The following DCHS2 variants were observed in gnomAD, a reference collection of about 807,000 sequenced individuals.
DCHS2 encodes protocadherin-23.
A neutral mutation model predicts 182.4 loss-of-function variants in DCHS2; 142 were observed. The ratio of observed to expected loss-of-function variants is 0.78; its 90% CI spans 0.68 to 0.89. The LOEUF (loss-of-function observed/expected upper bound fraction) is 0.89, where lower values mean the gene tolerates loss of function less well. Ranked by LOEUF, DCHS2 falls within the 40% of genes least tolerant of loss-of-function variation. DCHS2 has a pLI of 0.00. For missense variants in DCHS2, 4,319 were observed against 4,198.6 expected, an observed-to-expected ratio of 1.03 and a Z score of -0.79; for synonymous variants, 1,740 against 1,663.3, an observed-to-expected ratio of 1.05 and a Z score of -1.12.
At chr4:154,477,339 C>T (rs71605207) in intron 1 of DCHS2, among the ~76,000 whole-genome samples, 27,491 of 152,144 alleles carry the variant, frequency 0.18, 3,075 homozygotes, top group Non-Finnish European at 0.26. Flanking sequence ...AAAGGCCCCA[C>T]CTCCCAAAAG....
At chr4:154,479,130 C>A (rs1015406823) in intron 1 of DCHS2, among the ~76,000 whole-genome samples, 7 of 151,910 alleles carry the variant, frequency 4.6e-5, no homozygotes, top group African/African-American at 1.5e-4. Context: ...GAAACAGAAA[C>A]TATGAGACAG....
intron 16 of DCHS2, among the ~76,000 whole-genome samples, chr4:154,252,328 T>TTTAG (rs1218110746): frequency 2.0e-5 from 3 of 152,204 alleles, no homozygotes; most frequent in Non-Finnish European, 2.9e-5. Flanking sequence ...ATCCAAATCT[T>TTTAG]TTAGTTATTT....
At chr4:154,377,486 G>A (rs919567848) in intron 1 of DCHS2, 42 bp from the exon 2 acceptor site, 7 of 1,516,834 alleles carry the variant, frequency 4.6e-6, no homozygotes, top group Non-Finnish European at 5.4e-6. Context: ...AGAAATGCTA[G>A]CATTACTTTT....
chr4:154,356,293 A>C (rs1015422466), intron 3 of DCHS2, among the ~76,000 whole-genome samples: 24 of 152,206 alleles, frequency 1.6e-4, no homozygotes, highest in African/African-American at 5.1e-4. Flanking sequence ...TGGTTGTACA[A>C]CTATACAATG....
intron 18 of DCHS2, 113 bp downstream of exon 18, chr4:154,240,424 A>T: frequency 7.5e-7 from 1 of 1,324,872 alleles, no homozygotes; most frequent in Non-Finnish European, 1.0e-6. Flanking sequence ...CTTAGGCACT[A>T]CAAACAGTGA....
rs1201366771 is a variant in DCHS2 at position 154,236,581 on chromosome 4, C to A, written c.8071G>T (p.Asp2691Tyr). 1.2e-6 allele frequency: 2 copies of A among 1,613,886 alleles called. No individual in the cohort carries two copies. Among genetic ancestry groups the A allele is most frequent in the African/African-American group, 1.3e-5 (1 of 74,910 alleles). The change falls in exon 20 of 20, where the codon GAC (aspartate) becomes TAC (tyrosine). Residue 2691 changes from aspartate (D) to tyrosine (Y), a missense_variant. Asp to Tyr is a radical substitution (Grantham distance 160). Transcript: ENST00000357232. ...TCTGCATGTGACCCTGTGTCACGGT[C>A]ATTTGCTGAGACCACAGTGATGTGA... ...GSHITVVSANDRDTGSHAEII... is the reference protein window; with the variant it reads ...GSHITVVSANYRDTGSHAEII...
intron 12 of DCHS2, 130 bp from the exon 13 acceptor site, chr4:154,298,838 CTTTTGTAAA>C (rs1231021687): frequency 7.5e-7 from 1 of 1,325,346 alleles, no homozygotes; most frequent in African/African-American, 1.5e-5. Flanking sequence ...TATCCTAGCA[CTTTTGTAAA>C]TATTGGGGAT....
chr4:154,319,416 G>C (rs1235811012), intron 9 of DCHS2, among the ~76,000 whole-genome samples: 1 of 151,772 alleles, frequency 6.6e-6, no homozygotes, highest in East Asian at 1.9e-4. Flanking sequence ...GAAAGTATTT[G>C]TAAATCATCT....
At chr4:154,289,989 G>GA (rs111644504) in intron 13 of DCHS2, among the ~76,000 whole-genome samples, 54,673 of 151,736 alleles carry the variant, frequency 0.36, 10,062 homozygotes, top group East Asian at 0.48. Context: ...AATTGGAAAG[G>GA]AAAAAGTCAA....
At chr4:154,418,941 C>T (rs1732982072) in intron 1 of DCHS2, among the ~76,000 whole-genome samples, 1 of 152,136 alleles carries the variant, frequency 6.6e-6, no homozygotes. Context: ...AGCATGAATG[C>T]TGAACATGAA....
chr4:154,368,108 T>A (rs143120232), intron 2 of DCHS2, among the ~76,000 whole-genome samples: 1 of 152,280 alleles, frequency 6.6e-6, no homozygotes, highest in East Asian at 1.9e-4. Context: ...CAATGCAAGT[T>A]CATCTATCTG....
intron 1 of DCHS2, among the ~76,000 whole-genome samples, chr4:154,421,456 A>G (rs1035326013): frequency 2.6e-5 from 4 of 152,046 alleles, no homozygotes; most frequent in Admixed American, 6.6e-5. Flanking sequence ...GTGCAATGGC[A>G]TGATCCCGGC....
chr4:154,452,411 G>GT (rs1266944848), intron 1 of DCHS2, among the ~76,000 whole-genome samples: 1 of 152,040 alleles, frequency 6.6e-6, no homozygotes, highest in Non-Finnish European at 1.5e-5. Context: ...ATCGCCTGGG[G>GT]TCAGGAGTTC....
chr4:154,232,877 A>ATGTT lies in DCHS2; in HGVS notation c.*1655_*1658dup, dbSNP rs1323481289. 6.6e-6 allele frequency: 1 copy of ATGTT among 152,142 alleles called. No individual in the cohort carries two copies. Among genetic ancestry groups the ATGTT allele is most frequent in the African/African-American group, 2.4e-5 (1 of 41,454 alleles). The allele number at this position is 152,142 out of a possible 1,614,324, so 9.4% of individuals were successfully genotyped here. ...ATTTCAGGCTTATTCAAAAACCTTC[A>ATGTT]TGTTTCATACAATTTGTAATATAGC... On this transcript the variant is annotated 3_prime_UTR_variant, in exon 20 of 20. Coordinates refer to ENST00000357232, the MANE Select transcript of DCHS2 (RefSeq NM_001358235.2).
chr4:154,454,584 G>A (rs753768743), intron 1 of DCHS2, among the ~76,000 whole-genome samples: 6 of 152,052 alleles, frequency 3.9e-5, no homozygotes, highest in Non-Finnish European at 5.9e-5. Context: ...ATAGCACCCT[G>A]GGAACTACAA....
intron 1 of DCHS2, among the ~76,000 whole-genome samples, chr4:154,424,547 A>G (rs1185926344): frequency 6.6e-6 from 1 of 152,224 alleles, no homozygotes; most frequent in African/African-American, 2.4e-5. Flanking sequence ...TTTTGAGAAC[A>G]TGAATCAGGC....
intron 13 of DCHS2, among the ~76,000 whole-genome samples, chr4:154,289,804 A>C (rs2111257060): frequency 6.6e-6 from 1 of 152,226 alleles, no homozygotes; most frequent in South Asian, 2.1e-4. Context: ...AATGGATGTG[A>C]TACATCATGT....
chr4:154,348,506 C>T (rs1473665714), intron 3 of DCHS2, among the ~76,000 whole-genome samples: 3 of 151,812 alleles, frequency 2.0e-5, no homozygotes, highest in Non-Finnish European at 4.4e-5. Flanking sequence ...AGAATATGAC[C>T]TTATTTGGAA....
intron 1 of DCHS2, among the ~76,000 whole-genome samples, chr4:154,439,103 A>G (rs560641271): frequency 4.6e-5 from 7 of 152,348 alleles, no homozygotes; most frequent in South Asian, 4.1e-4. Context: ...ATATTATGCT[A>G]TTATAAGAAT....
Sources: allele counts gnomAD v4.1 joint callset (sites outside exome capture counted in the v4.1 genomes callset), GRCh38; gene constraint gnomAD v4.1.1; transcripts MANE v1.5; gene names NCBI Gene and HGNC (gene_info 2026-07-23, HGNC 2026-07-21).